ZFPM2: variants seen among roughly 807,000 people sequenced by gnomAD.
ZFPM2 encodes the protein zinc finger protein ZFPM2.
ZFPM2 carries 20 observed loss-of-function variants against 98.6 expected under a neutral mutation model. The ratio of observed to expected loss-of-function variants is 0.20; its 90% CI spans 0.14 to 0.29. The LOEUF (loss-of-function observed/expected upper bound fraction) is 0.29. Among genes scored for constraint, ZFPM2 ranks in the 10% least tolerant of loss-of-function variants. ZFPM2 has a pLI of 1.00. For missense variants in ZFPM2, 1,310 were observed against 1,388.6 expected (o/e 0.94, Z 0.90); for synonymous variants, 518 against 502.7 (o/e 1.03, Z -0.41).
intron 4 of ZFPM2, among the ~76,000 whole-genome samples, chr8:105,618,157 C>A (rs1374339199): frequency 6.6e-6 from 1 of 152,094 alleles, no homozygotes; most frequent in African/African-American, 2.4e-5. Context: ...AAACTGCTAA[C>A]CACTGACTCA....
intron 4 of ZFPM2, among the ~76,000 whole-genome samples, chr8:105,583,662 A>G (rs1443984721): frequency 3.3e-5 from 5 of 152,178 alleles, no homozygotes; most frequent in African/African-American, 7.2e-5. Context: ...AGGGGGCTAG[A>G]GGTGCCAATG....
chr8:105,702,982 TCTC>T (rs1176623765), intron 5 of ZFPM2, among the ~76,000 whole-genome samples: 4 of 152,138 alleles, frequency 2.6e-5, no homozygotes, highest in African/African-American at 7.2e-5. Context: ...CTGTAGCACT[TCTC>T]CTGTGAGAAA....
intron 1 of ZFPM2, among the ~76,000 whole-genome samples, chr8:105,382,477 A>G (rs1810907832): frequency 6.6e-6 from 1 of 152,020 alleles, no homozygotes; most frequent in Non-Finnish European, 1.5e-5. Flanking sequence ...TTCTTATTCC[A>G]TGTTAAAAGT....
At chr8:105,506,153 G>T (rs558203462) in intron 3 of ZFPM2, among the ~76,000 whole-genome samples, 2 of 152,158 alleles carry the variant, frequency 1.3e-5, no homozygotes, top group African/African-American at 4.8e-5. Flanking sequence ...TTATTATTTT[G>T]GAGCAGCAAG....
intron 4 of ZFPM2, among the ~76,000 whole-genome samples, chr8:105,608,133 G>A (rs1208834387): frequency 3.8e-4 from 58 of 152,176 alleles, no homozygotes; most frequent in Non-Finnish European, 1.5e-5. Flanking sequence ...GCTAAATAAT[G>A]AGGACTTGTG....
intron 3 of ZFPM2, among the ~76,000 whole-genome samples, chr8:105,526,674 G>A (rs758187929): frequency 4.6e-5 from 7 of 152,138 alleles, no homozygotes; most frequent in Non-Finnish European, 8.8e-5. Flanking sequence ...TGGGTAAAAC[G>A]CTGATGGAAA....
At chr8:105,625,171 C>G (rs528435123) in intron 4 of ZFPM2, among the ~76,000 whole-genome samples, 25 of 152,116 alleles carry the variant, frequency 1.6e-4, no homozygotes, top group African/African-American at 6.0e-4. Flanking sequence ...CCCACTTGTC[C>G]TTTTCACATA....
chr8:105,778,925 TTTTC>T (rs1813177036), intron 5 of ZFPM2, among the ~76,000 whole-genome samples: 1 of 151,988 alleles, frequency 6.6e-6, no homozygotes, highest in African/African-American at 2.4e-5. Flanking sequence ...CATACGTCTT[TTTTC>T]TTTGTTTTTT....
At chr8:105,750,518 T>C (rs1197030272) in intron 5 of ZFPM2, among the ~76,000 whole-genome samples, 1 of 151,580 alleles carries the variant, frequency 6.6e-6, no homozygotes, top group African/African-American at 2.4e-5. Context: ...ATAATATCTT[T>C]CAGGAAATTT....
intron 3 of ZFPM2, among the ~76,000 whole-genome samples, chr8:105,549,374 T>C (rs1814789163): frequency 6.6e-6 from 1 of 152,206 alleles, no homozygotes; most frequent in South Asian, 2.1e-4. Flanking sequence ...GCAGTAGCTA[T>C]GTACAATTTT....
intron 2 of ZFPM2, among the ~76,000 whole-genome samples, chr8:105,426,462 C>T (rs1168541863): frequency 6.6e-6 from 1 of 152,124 alleles, no homozygotes; most frequent in Middle Eastern, 3.2e-3. Context: ...TGGCAGGAAC[C>T]TCCCTTCCCT....
intron 5 of ZFPM2, among the ~76,000 whole-genome samples, chr8:105,779,905 G>A (rs189600873): frequency 1.9e-3 from 283 of 152,308 alleles, no homozygotes; most frequent in Non-Finnish European, 3.1e-3. Context: ...AGTTTGAACT[G>A]TGACTTTATT....
chr8:105,510,012 G>GAT (rs10651009), intron 3 of ZFPM2, among the ~76,000 whole-genome samples: 8,603 of 151,756 alleles, frequency 0.057, 591 homozygotes, highest in African/African-American at 0.17. Context: ...CTACACATCA[G>GAT]ATATATATAT....
chr8:105,791,795 A>G (rs1813619913), intron 6 of ZFPM2, among the ~76,000 whole-genome samples: 1 of 152,228 alleles, frequency 6.6e-6, no homozygotes, highest in Admixed American at 6.5e-5. Context: ...TCAGAGATTC[A>G]ACTTCTTCCT....
intron 5 of ZFPM2, among the ~76,000 whole-genome samples, chr8:105,649,709 C>A (rs1817127836): frequency 6.6e-6 from 1 of 152,160 alleles, no homozygotes; most frequent in African/African-American, 2.4e-5. Context: ...GTTGAACCAG[C>A]CTTGCATCCC....
chr8:105,534,764 G>A (rs1388850658), intron 3 of ZFPM2, among the ~76,000 whole-genome samples: 1 of 152,110 alleles, frequency 6.6e-6, no homozygotes, highest in Non-Finnish European at 1.5e-5. Flanking sequence ...AAAGAATTTT[G>A]CCTTTGACTT....
chr8:105,691,353 A>G (rs1306314845), intron 5 of ZFPM2, among the ~76,000 whole-genome samples: 3 of 133,076 alleles, frequency 2.3e-5, no homozygotes, highest in Non-Finnish European at 3.1e-5. Flanking sequence ...GGTTCACGCC[A>G]TTCTCCTGCC....
intron 6 of ZFPM2, among the ~76,000 whole-genome samples, chr8:105,795,368 C>T (rs1322759733): frequency 6.6e-6 from 1 of 151,470 alleles, no homozygotes; most frequent in Non-Finnish European, 1.5e-5. Flanking sequence ...CACACACACA[C>T]ACACAAAGCT....
chr8:105,339,502 A>T (rs1281223170), intron 1 of ZFPM2, among the ~76,000 whole-genome samples: 1 of 151,938 alleles, frequency 6.6e-6, no homozygotes, highest in Non-Finnish European at 1.5e-5. Context: ...CTAAGACAAT[A>T]TGCAAACTAT....
Sources: allele counts gnomAD v4.1 joint callset (sites outside exome capture counted in the v4.1 genomes callset), GRCh38; gene constraint gnomAD v4.1.1; transcripts MANE v1.5; gene names NCBI Gene and HGNC (gene_info 2026-07-23, HGNC 2026-07-21).